Variants in SCAF8 observed in about 807,000 individuals in gnomAD.
The protein encoded by SCAF8 is SR-related CTD associated factor 8, also known as SR-related and CTD-associated factor 8.
In SCAF8, 23 loss-of-function variants were observed where a neutral mutation model predicts 140.5. The ratio of observed to expected loss-of-function variants is 0.16; its 90% CI spans 0.12 to 0.23. SCAF8 has a LOEUF of 0.23. Among genes scored for constraint, SCAF8 ranks in the 10% least tolerant of loss-of-function variants. The pLI is 1.00. For synonymous variants in SCAF8, 575 were observed against 528.9 expected, an observed-to-expected ratio of 1.09 and a Z score of -1.20; for missense variants, 1,397 against 1,555.7, an observed-to-expected ratio of 0.90 and a Z score of 1.72.
At chr6:154,764,771 A>C (rs1776514976) in intron 1 of SCAF8, among the ~76,000 whole-genome samples, 1 of 152,224 alleles carries the variant, frequency 6.6e-6, no homozygotes, top group Non-Finnish European at 1.5e-5. Context: ...AAAGGAGAAA[A>C]GTAAGGTCCC....
chr6:154,790,535 G>A (rs1219578646), intron 4 of SCAF8, among the ~76,000 whole-genome samples: 3 of 91,498 alleles, frequency 3.3e-5, no homozygotes, highest in Non-Finnish European at 6.2e-5. Flanking sequence ...TTTTGAGACG[G>A]AGTCTCGCTC....
At chr6:154,786,078 C>T (rs1173165361) in intron 3 of SCAF8, among the ~76,000 whole-genome samples, 1 of 152,180 alleles carries the variant, frequency 6.6e-6, no homozygotes, top group Non-Finnish European at 1.5e-5. Flanking sequence ...ATGAGTAATT[C>T]ACGCAAAGCC....
chr6:154,759,973 T>G (rs1321183234), intron 1 of SCAF8, among the ~76,000 whole-genome samples: 2 of 151,642 alleles, frequency 1.3e-5, no homozygotes, highest in Non-Finnish European at 2.9e-5. Flanking sequence ...CTGGCCATCA[T>G]AATAATTTTA....
chr6:154,774,426 T>C (rs1379636564), intron 2 of SCAF8, among the ~76,000 whole-genome samples: 2 of 152,238 alleles, frequency 1.3e-5, no homozygotes, highest in East Asian at 3.9e-4. Context: ...CCTTAAACAT[T>C]CTTCCATAAA....
At chr6:154,807,595 G>C (rs1042630654) in intron 9 of SCAF8, among the ~76,000 whole-genome samples, 2 of 152,236 alleles carry the variant, frequency 1.3e-5, no homozygotes, top group African/African-American at 4.8e-5. Flanking sequence ...TGGCCAGGCT[G>C]GTCTTGAACT....
chr6:154,793,620 G>A (rs996651173), intron 5 of SCAF8, among the ~76,000 whole-genome samples: 1 of 151,706 alleles, frequency 6.6e-6, no homozygotes, highest in East Asian at 1.9e-4. Flanking sequence ...TTGGAGAGCA[G>A]CCTGGCCAAT....
intron 1 of SCAF8, among the ~76,000 whole-genome samples, chr6:154,772,155 G>A (rs1776787551): frequency 6.6e-6 from 1 of 151,882 alleles, no homozygotes. Flanking sequence ...CCCTAAGTTT[G>A]TAGTTAATTA....
intron 7 of SCAF8, among the ~76,000 whole-genome samples, chr6:154,802,931 A>C (rs530539285): frequency 6.6e-6 from 1 of 152,232 alleles, no homozygotes; most frequent in African/African-American, 2.4e-5. Flanking sequence ...TCTAAAACTT[A>C]AAATCTTTCA....
rs114975241 is a variant in SCAF8 at position 154,746,491 on chromosome 6, A to G, written c.30+12561A>G. Among the ~76,000 whole-genome samples the G allele has an allele frequency of 7.9e-3, 1,202 of 152,242 alleles. 12 individuals carry two copies. The highest frequency in any genetic ancestry group is 0.027 in the African/African-American group (1,128 of 41,544). ...CCATGAATTCATCATAGTATCTTCA[A>G]TTCCAGTCAAACACAGTAGGGTTCG... On this transcript the variant is annotated intron_variant, in intron 1 of 19. Coordinates refer to ENST00000367178, the MANE Select transcript of SCAF8 (RefSeq NM_014892.5).
chr6:154,800,910 AAAAT>A (rs1777753011), intron 6 of SCAF8, among the ~76,000 whole-genome samples: 1 of 151,462 alleles, frequency 6.6e-6, no homozygotes, highest in South Asian at 2.1e-4. Context: ...GATGCCTATT[AAAAT>A]AAATATTTTT....
At chr6:154,753,023 T>A (rs1483315157) in intron 1 of SCAF8, among the ~76,000 whole-genome samples, 16 of 152,026 alleles carry the variant, frequency 1.1e-4, no homozygotes, top group Non-Finnish European at 1.5e-4. Context: ...TTTTTTTTTT[T>A]AATTTACCAG....
At chr6:154,822,144 C>G in intron 15 of SCAF8, 132 bp from the exon 16 acceptor site, 1 of 862,722 alleles carries the variant, frequency 1.2e-6, no homozygotes, top group Non-Finnish European at 1.7e-6. Context: ...AGAGTGGCAC[C>G]TACGGTTGTG....
At chr6:154,741,912 C>G (rs1029040350) in intron 1 of SCAF8, 1 of 1,364,808 alleles carries the variant, frequency 7.3e-7, no homozygotes, top group African/African-American at 1.4e-5. Context: ...CTCATTTTGT[C>G]TGGTTTTGTG....
At chr6:154,773,399 A>G (rs1562438555) in intron 1 of SCAF8, among the ~76,000 whole-genome samples, 1 of 151,968 alleles carries the variant, frequency 6.6e-6, no homozygotes, top group Non-Finnish European at 1.5e-5. Context: ...TTTTCTTTTT[A>G]TGGCTCATAT....
chr6:154,755,674 ATTATT>A (rs1213844131), intron 1 of SCAF8, among the ~76,000 whole-genome samples: 1 of 152,124 alleles, frequency 6.6e-6, no homozygotes, highest in East Asian at 1.9e-4. Context: ...TTTACATAAG[ATTATT>A]TTATAAGACT....
At chr6:154,768,959 A>T (rs541044108) in intron 1 of SCAF8, among the ~76,000 whole-genome samples, 1 of 150,924 alleles carries the variant, frequency 6.6e-6, no homozygotes, top group East Asian at 2.0e-4. Context: ...GCCACTCAGG[A>T]GGCTGAGGCA....
In SCAF8 at chr6:154,733,897, C is replaced by G; in HGVS notation, c.-4C>G. On this transcript the variant is annotated 5_prime_UTR_variant, in exon 1 of 20. Transcript: ENST00000367178. Reference sequence around the variant, plus strand: ...GCCGGGCTCGGGGCCTCCGCAGCGACAACATGGAGGCCGTGAAGACCTTCA... The same window carrying G: ...GCCGGGCTCGGGGCCTCCGCAGCGAGAACATGGAGGCCGTGAAGACCTTCA... 6.5e-7 allele frequency: 1 copy of G among 1,544,614 alleles called. No individual in the cohort carries two copies. Among genetic ancestry groups the G allele is most frequent in the Non-Finnish European group, 8.7e-7 (1 of 1,150,624 alleles).
intron 6 of SCAF8, among the ~76,000 whole-genome samples, chr6:154,798,643 C>T (rs763665303): frequency 6.6e-5 from 10 of 151,428 alleles, no homozygotes; most frequent in East Asian, 5.8e-4. Flanking sequence ...AGTTTATTGC[C>T]GAAACCACTT....
At position 154,733,449 on chromosome 6, in the gene SCAF8, T is replaced by C; in HGVS notation, c.-452T>C. 7.2e-7 allele frequency: 1 copy of C among 1,386,394 alleles called. No individual in the cohort carries two copies. The highest frequency in any genetic ancestry group is 9.3e-7 in the Non-Finnish European group (1 of 1,070,334). 85.9% of individuals were successfully genotyped at this position (1,386,394 alleles called of 1,614,324 possible). On this transcript the variant is annotated 5_prime_UTR_variant, in exon 1 of 20. Transcript: ENST00000367178. ...TGCCGCAGCCGCTGCTGCCAGCGCT[T>C]CCTCCTCTGTCTTCGCCGAGCGGGG...
Sources: gnomAD v4.1 joint callset for allele counts (sites outside exome capture counted in the v4.1 genomes callset) on GRCh38, gnomAD v4.1.1 for gene constraint, MANE v1.5 for transcripts, NCBI Gene and HGNC (gene_info 2026-07-23, HGNC 2026-07-21) for gene names.